Variants in SENP3 observed in about 807,000 individuals in gnomAD.
SENP3 encodes sentrin-specific protease 3.
Under a neutral mutation model 66.2 loss-of-function variants are expected in SENP3, and 11 were observed. That is an observed-to-expected ratio of 0.17 (90% confidence interval 0.10 to 0.28). The LOEUF (loss-of-function observed/expected upper bound fraction) is 0.28. Among genes scored for constraint, SENP3 ranks in the 10% least tolerant of loss-of-function variants. The pLI is 1.00. For missense variants in SENP3, 548 were observed against 743.7 expected (o/e 0.74, Z 3.06); for synonymous variants, 292 against 277.6 (o/e 1.05, Z -0.52).
In SENP3 at chr17:7,565,698, C is replaced by G. The variant is rs12942617; in HGVS notation, c.1216-19C>G. The G allele has an allele frequency of 0.015, 24,524 of 1,613,856 alleles. 293 individuals carry two copies. The highest frequency in any genetic ancestry group is 0.052 in the Admixed American group (3,114 of 60,018). ...ATGCCGCACCCTCCATGGCAAGCTG[C>G]CTCCCATCTTCTCCCCAGGTGATGA... is the stretch of plus-strand genomic sequence containing the variant. On this transcript the variant is annotated intron_variant, in intron 5 of 10. Transcript: ENST00000321337.
intron 6 of SENP3, among the ~76,000 whole-genome samples, chr17:7,566,591 G>A (rs1472100659): frequency 1.3e-5 from 2 of 151,722 alleles, no homozygotes; most frequent in African/African-American, 4.8e-5. Flanking sequence ...GCTTGAACCC[G>A]GGAGGCGGAG....
At chr17:7,565,628 G>T in intron 5 of SENP3, 41 bp downstream of exon 5, 1 of 1,613,256 alleles carries the variant, frequency 6.2e-7, no homozygotes, top group Non-Finnish European at 8.5e-7. Context: ...GGGGATTCAG[G>T]GAGCAGGGTG....
chr17:7,562,921 G>C lies in SENP3; in HGVS notation c.-11-145G>C. The C allele has an allele frequency of 7.9e-7, 1 of 1,258,472 alleles. No homozygotes were observed. The highest frequency in any genetic ancestry group is 1.0e-6 in the Non-Finnish European group (1 of 989,122). The allele number at this position is 1,258,472 out of a possible 1,614,324, so 78.0% of individuals were successfully genotyped here. A position where few individuals can be genotyped will look rare whatever the true frequency, so the allele number is the denominator to read the frequency against. ...GGGCCCCTTGTGGACCGCGTTAACC[G>C]GGAAGATCTTAAGTTAGGAGTTTTG... On this transcript the variant is annotated intron_variant, in intron 1 of 10. Coordinates refer to ENST00000321337, the MANE Select transcript of SENP3 (RefSeq NM_015670.6). This position sits in a 1 kb window ranked among gnomAD's most constrained non-coding sequence, Gnocchi z 5.0.
chr17:7,563,187 T>A lies in SENP3; in HGVS notation c.111T>A (p.Pro37=). 6.4e-7 allele frequency: 1 copy of A among 1,565,670 alleles called. No homozygotes were observed. The highest frequency in any genetic ancestry group is 8.7e-7 in the Non-Finnish European group (1 of 1,154,848). ...GGGAGCGTCTTCGTTGGCCCCCACCTCCCAAACCCCGACTCAAGTCAGGTG... is the reference window on the plus strand; with the variant it reads ...GGGAGCGTCTTCGTTGGCCCCCACCACCCAAACCCCGACTCAAGTCAGGTG... The part of the protein sequence containing the change: ...PRRERLRWPP[P]PKPRLKSGGG... The change falls in exon 2 of 11, where the codon CCT becomes CCA. Residue 37 remains proline, a synonymous_variant. Transcript: ENST00000321337.
intron 2 of SENP3, chr17:7,564,236 G>A (rs1302615464): frequency 2.5e-6 from 1 of 400,792 alleles, no homozygotes. Context: ...CCCTTTCGGA[G>A]AACTCCAGCC....
At chr17:7,568,655 T>A (rs2071287224) in intron 7 of SENP3, among the ~76,000 whole-genome samples, 1 of 151,898 alleles carries the variant, frequency 6.6e-6, no homozygotes, top group South Asian at 2.1e-4. Context: ...GCATGGAGGC[T>A]CCCACAGGAT....
intron 5 of SENP3, 27 bp from the exon 6 acceptor site, chr17:7,565,690 G>C (rs2071261990): frequency 1.2e-6 from 2 of 1,613,876 alleles, no homozygotes; most frequent in East Asian, 4.5e-5. Flanking sequence ...ACCCTCCATG[G>C]CAAGCTGCCT....
Position 7,562,165 on chromosome 17 carries a change from G to A in SENP3, c.-110G>A, listed in dbSNP as rs911924854. The A allele has an allele frequency of 1.3e-5, 5 of 397,782 alleles. No individual in the cohort carries two copies. The highest frequency in any genetic ancestry group is 8.8e-5 in the Admixed American group (2 of 22,678). The allele number at this position is 397,782 out of a possible 1,614,324, so 24.6% of individuals were successfully genotyped here. A position where few individuals can be genotyped will look rare whatever the true frequency, so the allele number is the denominator to read the frequency against. ...AGACGGCTGCGCCTAAAGACAGCAGGAGTGGCGGGGCCGCCGCCGTCGCCG... is the reference window on the plus strand; with the variant it reads ...AGACGGCTGCGCCTAAAGACAGCAGAAGTGGCGGGGCCGCCGCCGTCGCCG... On this transcript the variant is annotated 5_prime_UTR_variant, in exon 1 of 11. Transcript: ENST00000321337. The surrounding 1 kb of genome is among the most constrained non-coding windows in gnomAD (Gnocchi z 5.0).
At chr17:7,565,324 C>T in intron 4 of SENP3, 116 bp from the exon 5 acceptor site, 1 of 1,272,704 alleles carries the variant, frequency 7.9e-7, no homozygotes, top group Admixed American at 2.1e-5. Context: ...CAGAAGGACC[C>T]ATCATGAGCC....
chr17:7,563,846 G>A (rs913414818), intron 2 of SENP3, 55 bp downstream of exon 2: 2 of 1,428,990 alleles, frequency 1.4e-6, no homozygotes, highest in Admixed American at 2.5e-5. Context: ...AGGGTTAAGA[G>A]CCTGGAGCAC....
intron 7 of SENP3, among the ~76,000 whole-genome samples, chr17:7,569,887 G>A (rs998901356): frequency 3.3e-5 from 5 of 152,216 alleles, no homozygotes; most frequent in African/African-American, 9.7e-5. Flanking sequence ...TGTTCTAAGT[G>A]TATTATGGAT....
chr17:7,569,766 C>T (rs2071297784), intron 7 of SENP3, among the ~76,000 whole-genome samples: 1 of 152,208 alleles, frequency 6.6e-6, no homozygotes, highest in African/African-American at 2.4e-5. Flanking sequence ...TGACCTTGTG[C>T]AAGTCACGAC....
intron 4 of SENP3, 112 bp from the exon 5 acceptor site, chr17:7,565,328 A>G (rs748871336): frequency 8.0e-5 from 107 of 1,332,334 alleles, no homozygotes; most frequent in Non-Finnish European, 1.0e-4. Context: ...AGGACCCATC[A>G]TGAGCCAGAA....
At chr17:7,569,401 T>G (rs1238561496) in intron 7 of SENP3, among the ~76,000 whole-genome samples, 4 of 94,556 alleles carry the variant, frequency 4.2e-5, no homozygotes, top group African/African-American at 6.9e-5. Flanking sequence ...AAAAAAAAGA[T>G]TTGTTTTTTC....
chr17:7,569,548 C>T (rs1001791393), intron 7 of SENP3, among the ~76,000 whole-genome samples: 37 of 151,996 alleles, frequency 2.4e-4, no homozygotes, highest in Non-Finnish European at 4.7e-4. Flanking sequence ...TTCTGGTTTC[C>T]CTGCCCTCCC....
chr17:7,563,696 A>G lies in SENP3; in HGVS notation c.620A>G (p.Asp207Gly), dbSNP rs774991275. Residue 207 changes from aspartate (D) to glycine (G), a missense_variant, in exon 2 of 11, where the codon GAT becomes GGT. Around this residue, in one of 6 missense-constraint regions of SENP3, gnomAD observed 215 missense variants for 230.7 expected, o/e 0.93. Coordinates refer to ENST00000321337, the MANE Select transcript of SENP3 (RefSeq NM_015670.6). ...LGLLGALMAE[D>G]GVRGSPPVPS... is the part of the protein sequence containing the mutation. ...CTGCTAGGTGCTCTCATGGCTGAGG[A>G]TGGGGTGAGAGGGTCTCCACCAGTG... is the stretch of plus-strand genomic sequence containing the variant. 19 of 1,612,442 alleles carry G rather than the reference A, an allele frequency of 1.2e-5. No individual in the cohort carries two copies. Among genetic ancestry groups the G allele is most frequent in the Non-Finnish European group, 1.7e-6 (2 of 1,179,662 alleles).
Position 7,570,898 on chromosome 17 carries a change from A to T in SENP3, c.1579A>T (p.Asn527Tyr). The T allele has an allele frequency of 6.2e-7, 1 of 1,613,626 alleles. No individual in the cohort carries two copies. ...GYFKMNVARQ[N>Y]NDSDCGAFVL... ...TCTTCTCTAGAATGTGGCCAGGCAG[A>T]ATAATGACAGTGACTGTGGTGCTTT... Residue 527 changes from asparagine to tyrosine, a missense_variant, in exon 10 of 11, where the codon AAT (asparagine) becomes TAT (tyrosine). Physicochemically the swap from Asn to Tyr is moderately radical, Grantham distance 143 (BLOSUM62 -2). This residue lies in a region of SENP3 where 81 missense variants were observed against 139.8 expected (regional missense o/e 0.58). Coordinates refer to ENST00000321337, the MANE Select transcript of SENP3 (RefSeq NM_015670.6). This position sits in a 1 kb window ranked among gnomAD's most constrained non-coding sequence, Gnocchi z 5.4.
intron 5 of SENP3, 50 bp from the exon 6 acceptor site, chr17:7,565,667 G>A (rs1249790425): frequency 1.2e-6 from 2 of 1,612,848 alleles, no homozygotes; most frequent in Non-Finnish European, 1.7e-6. Context: ...GGGGAGCCCT[G>A]TACCCATGCC....
chr17:7,563,004 A>G, intron 1 of SENP3, 62 bp from the exon 2 acceptor site: 1 of 1,364,094 alleles, frequency 7.3e-7, no homozygotes, highest in Non-Finnish European at 9.5e-7. Flanking sequence ...GGCCAGGAAG[A>G]GAGGCAGGAT....
Sources: gnomAD v4.1 joint callset for allele counts (sites outside exome capture counted in the v4.1 genomes callset) on GRCh38, gnomAD v4.1.1 for gene constraint, gnomAD v4.1.1 regional missense constraint, Gnocchi (gnomAD v3.1) non-coding constraint, MANE v1.5 for transcripts, NCBI Gene and HGNC (gene_info 2026-07-23, HGNC 2026-07-21) for gene names.